Variants in TRAPPC3L observed in about 807,000 individuals in gnomAD.
The protein encoded by TRAPPC3L is trafficking protein particle complex subunit 3-like protein.
Under a neutral mutation model 23.7 loss-of-function variants are expected in TRAPPC3L, and 23 were observed. The observed-to-expected ratio is 0.97, with a 90% confidence interval of 0.70 to 1.37. The LOEUF (loss-of-function observed/expected upper bound fraction) is 1.37. Among genes scored for constraint, TRAPPC3L ranks in the 40% most tolerant of loss-of-function variants. The pLI, the probability that TRAPPC3L is intolerant of heterozygous loss-of-function variation, is 0.00. For synonymous variants in TRAPPC3L, 81 were observed against 77.9 expected, an observed-to-expected ratio of 1.04 and a Z score of -0.21; for missense variants, 212 against 216.8, an observed-to-expected ratio of 0.98 and a Z score of 0.14.
At chr6:116,501,408 C>A (rs1771912307) in intron 3 of TRAPPC3L, among the ~76,000 whole-genome samples, 1 of 152,208 alleles carries the variant, frequency 6.6e-6, no homozygotes, top group South Asian at 2.1e-4. Context: ...AGGCCTACTG[C>A]CTCCTTAGAT....
chr6:116,540,950 GA>G (rs1388772891), intron 2 of TRAPPC3L, among the ~76,000 whole-genome samples: 2 of 152,096 alleles, frequency 1.3e-5, no homozygotes, highest in Admixed American at 6.6e-5. Flanking sequence ...GAAGAGAGCA[GA>G]AAAAATTTTT....
chr6:116,504,331 G>A (rs1332127298), intron 3 of TRAPPC3L, among the ~76,000 whole-genome samples: 1 of 152,168 alleles, frequency 6.6e-6, no homozygotes, highest in East Asian at 1.9e-4. Context: ...ACTAAGCCAG[G>A]AAGCAGTTGA....
intron 3 of TRAPPC3L, among the ~76,000 whole-genome samples, chr6:116,507,022 T>C (rs1772018663): frequency 6.6e-6 from 1 of 152,000 alleles, no homozygotes; most frequent in South Asian, 2.1e-4. Flanking sequence ...AATAAATAAA[T>C]AAGTAAATAA....
chr6:116,511,584 C>T (rs938881237), intron 3 of TRAPPC3L: 1 of 925,340 alleles, frequency 1.1e-6, no homozygotes, highest in Non-Finnish European at 1.6e-6. Flanking sequence ...TGGCTCAATT[C>T]AGTCTGAGAA....
rs574204662 is a variant in TRAPPC3L at position 116,505,777 on chromosome 6, C to T, written c.241-5111G>A. On this transcript the variant is annotated intron_variant, in intron 3 of 4. Transcript: ENST00000368602. Reference sequence around the variant, plus strand: ...AAAACAAGAAATAGGGAAAGGATTCCCTGTTTAATAAATGTGTTGGGAAAA... The same window carrying T: ...AAAACAAGAAATAGGGAAAGGATTCTCTGTTTAATAAATGTGTTGGGAAAA... Among the ~76,000 whole-genome samples, 5 of 152,260 alleles carry T rather than the reference C, an allele frequency of 3.3e-5. No homozygotes were observed. The South Asian group carries it at 6.2e-4, about 19-fold the overall frequency.
intron 1 of TRAPPC3L, 146 bp downstream of exon 1, chr6:116,545,327 G>T (rs1773715632): frequency 5.2e-6 from 3 of 572,256 alleles, no homozygotes; most frequent in African/African-American, 3.8e-5. Flanking sequence ...ATTATTCCTA[G>T]ATGTGTCATT....
intron 3 of TRAPPC3L, among the ~76,000 whole-genome samples, chr6:116,538,603 G>A (rs1012056280): frequency 7.2e-5 from 11 of 152,100 alleles, no homozygotes; most frequent in Admixed American, 2.6e-4. Context: ...TTCTTCAAAT[G>A]TTCAAAGCCT....
intron 3 of TRAPPC3L, among the ~76,000 whole-genome samples, chr6:116,507,934 C>G (rs1002386426): frequency 6.6e-6 from 1 of 152,142 alleles, no homozygotes; most frequent in African/African-American, 2.4e-5. Flanking sequence ...AATGACACTG[C>G]CAAGACCATG....
At chr6:116,524,696 C>CT (rs1772412628) in intron 3 of TRAPPC3L, 1 of 151,976 alleles carries the variant, frequency 6.6e-6, no homozygotes, top group Non-Finnish European at 1.5e-5. Context: ...TCAGGTAGGT[C>CT]TTTTTGGAAC....
rs374923677 is a variant in TRAPPC3L, at chr6:116,502,159, C to A, written c.241-1493G>T. Among the ~76,000 whole-genome samples the A allele has an allele frequency of 2.0e-5, 3 of 152,190 alleles. No homozygotes were observed. In the East Asian group the frequency reaches 5.8e-4, roughly 29 times the overall value. ...TTAGACGAATGGCTAACTAGAATAA[C>A]CAGTGTAGAGAAGAGCTTAAATGAC... On this transcript the variant is annotated intron_variant, in intron 3 of 4. Transcript: ENST00000368602.
intron 3 of TRAPPC3L, among the ~76,000 whole-genome samples, chr6:116,502,729 C>T (rs183625787): frequency 2.6e-5 from 4 of 152,204 alleles, no homozygotes; most frequent in Admixed American, 1.3e-4. Context: ...TTCAACATTC[C>T]TAAAGAAAAG....
rs1014108075 is a variant in TRAPPC3L at position 116,542,375 on chromosome 6, T to C, written c.140+928A>G. ...AATATGCATACAGAAAGAAGAAAAA[T>C]GAGAGTTTTTTAAAAAGACTTTCAA... On this transcript the variant is annotated intron_variant, in intron 2 of 4. Transcript: ENST00000368602. 6.6e-5 allele frequency among the ~76,000 whole-genome samples: 10 copies of C among 152,210 alleles called. No homozygotes were observed. The East Asian group carries it at 1.7e-3, about 26-fold the overall frequency.
intron 2 of TRAPPC3L, among the ~76,000 whole-genome samples, chr6:116,542,051 G>A (rs1438280013): frequency 2.0e-5 from 3 of 152,104 alleles, no homozygotes; most frequent in East Asian, 1.9e-4. Context: ...AGTCAAATAA[G>A]TGAGCTTTTT....
chr6:116,534,737 A>C (rs1382421762), intron 3 of TRAPPC3L, among the ~76,000 whole-genome samples: 1 of 152,066 alleles, frequency 6.6e-6, no homozygotes, highest in Non-Finnish European at 1.5e-5. Context: ...CATCCCCCAA[A>C]ATCATTGCTC....
intron 4 of TRAPPC3L, among the ~76,000 whole-genome samples, chr6:116,497,393 G>C (rs1771848122): frequency 6.6e-6 from 1 of 152,068 alleles, no homozygotes; most frequent in African/African-American, 2.4e-5. Flanking sequence ...CCCAGCTCGG[G>C]GATAGCCTTG....
Position 116,496,617 on chromosome 6 carries a change from GTT to G in TRAPPC3L, c.*335_*336del, listed in dbSNP as rs1341177357. On this transcript the variant is annotated 3_prime_UTR_variant, in exon 5 of 5. Transcript: ENST00000368602. ...TCAGCAAAGAGACAAATACACAACT[GTT>G]TGTATTTGTGCTGCTTTTTTTTCCC... 1.5e-5 allele frequency: 3 copies of G among 199,922 alleles called. No homozygotes were observed. Among genetic ancestry groups the G allele is most frequent in the Non-Finnish European group, 3.0e-5 (3 of 100,990 alleles). The allele number at this position is 199,922 out of a possible 1,614,324, so 12.4% of individuals were successfully genotyped here.
chr6:116,497,211 T>C, intron 4 of TRAPPC3L, 138 bp from the exon 5 acceptor site: 1 of 1,049,932 alleles, frequency 9.5e-7, no homozygotes, highest in Non-Finnish European at 1.3e-6. Context: ...TAAAGGGCCC[T>C]TTACTGAGTG....
At chr6:116,515,373 C>T (rs1266104392) in intron 3 of TRAPPC3L, among the ~76,000 whole-genome samples, 1 of 152,092 alleles carries the variant, frequency 6.6e-6, no homozygotes, top group Non-Finnish European at 1.5e-5. Flanking sequence ...TTTGCACCAG[C>T]AATGTTGGGG....
intron 3 of TRAPPC3L, among the ~76,000 whole-genome samples, chr6:116,514,970 G>T (rs1279241999): frequency 6.6e-6 from 1 of 152,106 alleles, no homozygotes; most frequent in East Asian, 1.9e-4. Context: ...TAAGATCCAG[G>T]GGAGAAAAGC....
Sources: gnomAD v4.1 joint callset for allele counts (sites outside exome capture counted in the v4.1 genomes callset) on GRCh38, gnomAD v4.1.1 for gene constraint, MANE v1.5 for transcripts, NCBI Gene and HGNC (gene_info 2026-07-23, HGNC 2026-07-21) for gene names.